Variants in KIAA0825 observed in about 807,000 individuals in gnomAD.
The protein encoded by KIAA0825 is KIAA0825, also known as uncharacterized protein KIAA0825.
A neutral mutation model predicts 147.6 loss-of-function variants in KIAA0825; 119 were observed. The ratio of observed to expected loss-of-function variants is 0.81; its 90% CI spans 0.69 to 0.94. The LOEUF (loss-of-function observed/expected upper bound fraction) is 0.94, where lower values mean the gene tolerates loss of function less well. KIAA0825 is among the 40% of genes least tolerant of loss of function. The probability of loss-of-function intolerance (pLI) is 0.00; values close to 1 mark genes in which losing one functional copy is unlikely to be tolerated. For missense variants in KIAA0825, 1,381 were observed against 1,472.7 expected (o/e 0.94, Z 1.02); for synonymous variants, 470 against 518.1 (o/e 0.91, Z 1.26).
intron 1 of KIAA0825, among the ~76,000 whole-genome samples, chr5:94,591,655 C>T (rs573113009): frequency 9.9e-5 from 15 of 152,174 alleles, no homozygotes; most frequent in Non-Finnish European, 1.6e-4. Flanking sequence ...CGAAGGACTA[C>T]TTGACTGACA....
Position 94,524,046 on chromosome 5 carries a change from CT to C in KIAA0825, c.183del (p.Gly62ValfsTer14). On this transcript the variant is annotated frameshift_variant, in exon 4 of 21. Transcript: ENST00000682413. LOFTEE classifies it high-confidence loss of function. ...EIQSEINKQC[P>X]GVQLQTTTDC... is the part of the protein sequence containing the mutation. Reference sequence around the variant, plus strand: ...TCAGTTGTTGTTTGCAGCTGCACACCTGGACATTGTTTGTTAATTTCGGACT... The same window carrying C: ...TCAGTTGTTGTTTGCAGCTGCACACCGGACATTGTTTGTTAATTTCGGACT... The C allele has an allele frequency of 6.2e-7, 1 of 1,609,488 alleles. No homozygotes were observed. Among genetic ancestry groups the C allele is most frequent in the East Asian group, 2.2e-5 (1 of 44,692 alleles).
At chr5:94,465,617 C>T (rs1313793696) in intron 10 of KIAA0825, among the ~76,000 whole-genome samples, 4 of 152,132 alleles carry the variant, frequency 2.6e-5, no homozygotes, top group Admixed American at 2.6e-4. Flanking sequence ...GGCTATTTTG[C>T]CTATGGCATT....
intron 3 of KIAA0825, among the ~76,000 whole-genome samples, chr5:94,536,228 A>G (rs1345586043): frequency 5.3e-5 from 8 of 152,254 alleles, no homozygotes; most frequent in Non-Finnish European, 1.2e-4. Flanking sequence ...AAGGAAAAAT[A>G]TCATAGGACC....
intron 20 of KIAA0825, among the ~76,000 whole-genome samples, chr5:94,261,016 C>A (rs1261410449): frequency 6.6e-6 from 1 of 152,000 alleles, no homozygotes; most frequent in Non-Finnish European, 1.5e-5. Flanking sequence ...TTTAAAATAA[C>A]ATTCGGTCAG....
chr5:94,372,014 A>G (rs996001230), intron 20 of KIAA0825, among the ~76,000 whole-genome samples: 2 of 152,190 alleles, frequency 1.3e-5, no homozygotes, highest in Non-Finnish European at 2.9e-5. Context: ...CATGCCCCAC[A>G]CAAGTCCAAA....
chr5:94,478,880 G>C (rs1418881133), intron 6 of KIAA0825, among the ~76,000 whole-genome samples: 1 of 152,090 alleles, frequency 6.6e-6, no homozygotes, highest in African/African-American at 2.4e-5. Context: ...TGTCAAAGTA[G>C]ATATGAGAAG....
intron 20 of KIAA0825, among the ~76,000 whole-genome samples, chr5:94,344,411 TA>T (rs1782765875): frequency 6.6e-6 from 1 of 152,118 alleles, no homozygotes; most frequent in Admixed American, 6.5e-5. Flanking sequence ...AACACAAAAA[TA>T]ACAATTGTTG....
At chr5:94,169,739 C>T (rs1030719658) in intron 20 of KIAA0825, among the ~76,000 whole-genome samples, 5 of 152,146 alleles carry the variant, frequency 3.3e-5, no homozygotes, top group Non-Finnish European at 5.9e-5. Context: ...TGACTATGTT[C>T]GGAGCACTGT....
chr5:94,308,151 CT>C (rs1400813618), intron 20 of KIAA0825, among the ~76,000 whole-genome samples: 1 of 151,638 alleles, frequency 6.6e-6, no homozygotes, highest in Non-Finnish European at 1.5e-5. Flanking sequence ...GGTGTTAGTC[CT>C]GGGAAAATGA....
chr5:94,163,712 A>G (rs545738874), intron 20 of KIAA0825, among the ~76,000 whole-genome samples: 53 of 152,294 alleles, frequency 3.5e-4, no homozygotes, highest in Non-Finnish European at 5.7e-4. Context: ...TTAGGTCCTC[A>G]ATTTTTAAGG....
chr5:94,355,018 C>T (rs1409835558), intron 20 of KIAA0825, among the ~76,000 whole-genome samples: 1 of 152,072 alleles, frequency 6.6e-6, no homozygotes, highest in African/African-American at 2.4e-5. Context: ...TGGGACAATT[C>T]GAAGGGGGGC....
At chr5:94,510,393 A>C (rs2151160780) in intron 5 of KIAA0825, among the ~76,000 whole-genome samples, 1 of 152,340 alleles carries the variant, frequency 6.6e-6, no homozygotes. Context: ...AAAGAGACTA[A>C]ACTAGAAATA....
chr5:94,234,947 T>C (rs1382435650), intron 20 of KIAA0825, among the ~76,000 whole-genome samples: 2 of 152,098 alleles, frequency 1.3e-5, no homozygotes, highest in African/African-American at 2.4e-5. Flanking sequence ...TGATAAATGT[T>C]ATGTGTTTTC....
chr5:94,367,382 C>T (rs1021082320), intron 20 of KIAA0825, among the ~76,000 whole-genome samples: 3 of 152,048 alleles, frequency 2.0e-5, no homozygotes, highest in Admixed American at 6.6e-5. Flanking sequence ...CCTGTAATCC[C>T]AGCTACTTAG....
rs146690969 is a variant in KIAA0825 at position 94,215,206 on chromosome 5, G to C, written c.3711-61082C>G. On this transcript the variant is annotated intron_variant, in intron 20 of 20. Transcript: ENST00000682413. ...AAATGGCAATCAAGAGAAGATAAAG[G>C]CAGAGTGGAAAATAAATCTGAATCT... Among the ~76,000 whole-genome samples the C allele has an allele frequency of 8.8e-4, 134 of 152,244 alleles. 2 individuals are homozygous for C. The highest frequency in any genetic ancestry group is 3.9e-3 in the Admixed American group (60 of 15,280).
intron 6 of KIAA0825, among the ~76,000 whole-genome samples, chr5:94,481,426 T>A (rs1329928354): frequency 6.6e-6 from 1 of 152,108 alleles, no homozygotes; most frequent in East Asian, 1.9e-4. Flanking sequence ...CAGCTCTAAG[T>A]GGGAACTACA....
At chr5:94,408,730 T>A (rs1752395622) in intron 15 of KIAA0825, among the ~76,000 whole-genome samples, 1 of 152,102 alleles carries the variant, frequency 6.6e-6, no homozygotes, top group Non-Finnish European at 1.5e-5. Context: ...TGAACAGGAA[T>A]TCAATGTAAA....
intron 20 of KIAA0825, among the ~76,000 whole-genome samples, chr5:94,323,235 A>G (rs555694785): frequency 9.9e-5 from 15 of 152,136 alleles, no homozygotes; most frequent in African/African-American, 3.4e-4. Flanking sequence ...GTTCATGTAC[A>G]AAAGAAAAAT....
chr5:94,544,491 C>T (rs2151391354), intron 2 of KIAA0825, among the ~76,000 whole-genome samples: 2 of 152,282 alleles, frequency 1.3e-5, no homozygotes, highest in Admixed American at 1.3e-4. Context: ...ATAGCAACTT[C>T]CTCTTTTGCA....
Sources: allele counts gnomAD v4.1 joint callset (sites outside exome capture counted in the v4.1 genomes callset), GRCh38; gene constraint gnomAD v4.1.1; transcripts MANE v1.5; gene names NCBI Gene and HGNC (gene_info 2026-07-23, HGNC 2026-07-21).